The following ATMIN variants were observed in gnomAD, a reference collection of about 807,000 sequenced individuals.
The protein encoded by ATMIN is ATM INteracting protein.
In ATMIN, 24 loss-of-function variants were observed where a neutral mutation model predicts 49.2. That is an observed-to-expected ratio of 0.49 (90% CI 0.35 to 0.69). ATMIN has a LOEUF of 0.69. ATMIN is among the 30% of genes least tolerant of loss of function. The pLI is 0.00. For missense variants in ATMIN, 1,037 were observed against 1,005.5 expected (o/e 1.03, Z -0.42); for synonymous variants, 450 against 392.5 (o/e 1.15, Z -1.73).
intron 1 of ATMIN, among the ~76,000 whole-genome samples, chr16:81,038,601 C>A (rs1970986830): frequency 6.6e-6 from 1 of 152,188 alleles, no homozygotes; most frequent in Admixed American, 6.5e-5. Context: ...CTGTGTGATG[C>A]AATAGCCATC....
chr16:81,036,231 CGGG>C, intron 1 of ATMIN, 25 bp downstream of exon 1: 1 of 1,355,062 alleles, frequency 7.4e-7, no homozygotes, highest in East Asian at 3.6e-5. Flanking sequence ...GCCGGCGGCC[CGGG>C]GGGCCGGGCC....
In ATMIN at chr16:81,043,805, C is replaced by G; in HGVS notation, c.1307C>G (p.Ser436Cys). The G allele has an allele frequency of 6.2e-7, 1 of 1,614,252 alleles. No homozygotes were observed. Among genetic ancestry groups the G allele is most frequent in the South Asian group, 1.1e-5 (1 of 91,068 alleles). Reference protein sequence around the residue: ...PSAQWATADSSVSSCSQTDLS... With the variant: ...PSAQWATADSCVSSCSQTDLS... ...GCACAGTGGGCCACTGCTGATTCCT[C>G]TGTGTCGTCTTGTTCTCAAACTGAT... Residue 436 changes from serine (S) to cysteine (C), a missense_variant, in exon 4 of 4, where the codon TCT becomes TGT. Transcript: ENST00000299575.
In ATMIN at chr16:81,044,767, A is replaced by G; in HGVS notation, c.2269A>G (p.Lys757Glu). 4.3e-6 allele frequency: 7 copies of G among 1,614,236 alleles called. No homozygotes were observed. Among genetic ancestry groups the G allele is most frequent in the Non-Finnish European group, 5.9e-6 (7 of 1,180,042 alleles). The change falls in exon 4 of 4, where the codon AAA becomes GAA. Residue 757 changes from lysine to glutamate, a missense_variant. By Grantham distance (56) the Lys-to-Glu change is moderately conservative. Coordinates refer to ENST00000299575, the MANE Select transcript of ATMIN (RefSeq NM_015251.3). ...TAAAAATATACCTGCTCTAGAAAGC[A>G]AAGTTCAGTTGAACAGTACAGAAAC... ...TAKNIPALESKVQLNSTETQT... is the reference protein window; with the variant it reads ...TAKNIPALESEVQLNSTETQT...
intron 1 of ATMIN, chr16:81,040,771 C>T (rs550557934): frequency 6.5e-6 from 1 of 154,216 alleles, no homozygotes; most frequent in African/African-American, 2.4e-5. Flanking sequence ...ATGACATGAT[C>T]GAAGCTATAC....
chr16:81,038,031 A>G (rs539149628), intron 1 of ATMIN, among the ~76,000 whole-genome samples: 6 of 152,324 alleles, frequency 3.9e-5, no homozygotes, highest in Non-Finnish European at 7.3e-5. Context: ...TAGGAGCTCT[A>G]GCTCTTTAAA....
Position 81,044,807 on chromosome 16 carries a change from C to T in ATMIN, c.2309C>T (p.Ser770Phe), listed in dbSNP as rs777513790. 3 of 1,614,084 alleles carry T rather than the reference C, an allele frequency of 1.9e-6. No individual in the cohort carries two copies. The highest frequency in any genetic ancestry group is 3.3e-5 in the Admixed American group (2 of 59,992). ...LNSTETQTMS[S>F]GFETLGSLFF... is the part of the protein sequence containing the mutation. ...AGTACAGAAACACAGACCATGAGTT[C>T]TGGGTTTGAAACCCTGGGGAGCTTG... Residue 770 changes from serine to phenylalanine, a missense_variant, in exon 4 of 4, where the codon TCT becomes TTT. Ser to Phe is a radical substitution (Grantham distance 155, BLOSUM62 -2). Coordinates refer to ENST00000299575, the MANE Select transcript of ATMIN (RefSeq NM_015251.3).
At chr16:81,043,075 A>C in intron 3 of ATMIN, 86 bp from the exon 4 acceptor site, 1 of 1,465,726 alleles carries the variant, frequency 6.8e-7, no homozygotes, top group Admixed American at 2.4e-5. Flanking sequence ...AGATGGGGGA[A>C]ATGGCATTTG....
At chr16:81,040,647 G>T (rs1421343918) in intron 1 of ATMIN, 1 of 152,252 alleles carries the variant, frequency 6.6e-6, no homozygotes. Flanking sequence ...ATGAAGTAAT[G>T]AGAGAAGAAA....
Position 81,041,411 on chromosome 16 carries a change from A to T in ATMIN, c.392A>T (p.Tyr131Phe). The part of the protein sequence containing the change: ...RKDLKTGPKF[Y>F]CCPIEGCPRG... ...GATTTGAAAACTGGACCGAAATTCT[A>T]CTGCTGTCCAATTGAAGGCTGCCCC... The change falls in exon 2 of 4, where the codon TAC becomes TTC. Residue 131 changes from tyrosine (Y) to phenylalanine (F), a missense_variant. Tyr to Phe is a conservative substitution (Grantham distance 22). Transcript: ENST00000299575. 1.2e-6 allele frequency: 2 copies of T among 1,613,992 alleles called. No individual in the cohort carries two copies. Among genetic ancestry groups the T allele is most frequent in the Non-Finnish European group, 1.7e-6 (2 of 1,179,996 alleles).
rs757797840 is a variant in ATMIN, at chr16:81,044,900, C to T, written c.2402C>T (p.Thr801Met). 19 of 1,614,108 alleles carry T rather than the reference C, an allele frequency of 1.2e-5. No homozygotes were observed. Among genetic ancestry groups the T allele is most frequent in the Non-Finnish European group, 1.6e-5 (19 of 1,179,982 alleles). Residue 801 changes from threonine (T) to methionine (M), a missense_variant, in exon 4 of 4, where the codon ACG (threonine) becomes ATG (methionine). Transcript: ENST00000299575. ...CTTCTGGCTGATCTGGCCTGGAACA[C>T]GATGGAGTCTCAGTTCAGCTCTGTA... ...DFLLADLAWNTMESQFSSVET... is the reference protein window; with the variant it reads ...DFLLADLAWNMMESQFSSVET...
chr16:81,044,008 G>A lies in ATMIN; in HGVS notation c.1510G>A (p.Asp504Asn). ...QTSGIESPTDDHVQMDQAGMC... is the reference protein window; with the variant it reads ...QTSGIESPTDNHVQMDQAGMC... ...CAGTGGGATAGAAAGTCCAACGGATGACCATGTACAGATGGACCAAGCTGG... is the reference window on the plus strand; with the variant it reads ...CAGTGGGATAGAAAGTCCAACGGATAACCATGTACAGATGGACCAAGCTGG... The change falls in exon 4 of 4, where the codon GAC (aspartate) becomes AAC (asparagine). Residue 504 changes from aspartate to asparagine, a missense_variant. Asp to Asn is a conservative substitution (Grantham distance 23). Transcript: ENST00000299575. 1.2e-6 allele frequency: 2 copies of A among 1,614,168 alleles called. No homozygotes were observed. Among genetic ancestry groups the A allele is most frequent in the Non-Finnish European group, 8.5e-7 (1 of 1,180,036 alleles).
In ATMIN at chr16:81,045,067, G is replaced by C. The variant is rs969262869; in HGVS notation, c.*97G>C. ...AACAGTATTAATTCGATTGAATGTG[G>C]CTGATGATGCAGTTGCTTAGCTTCT... On this transcript the variant is annotated 3_prime_UTR_variant, in exon 4 of 4. Coordinates refer to ENST00000299575, the MANE Select transcript of ATMIN (RefSeq NM_015251.3). 6.9e-7 allele frequency: 1 copy of C among 1,451,836 alleles called. No individual in the cohort carries two copies. The highest frequency in any genetic ancestry group is 1.4e-5 in the African/African-American group (1 of 70,334). The allele number at this position is 1,451,836 out of a possible 1,614,324, so 89.9% of individuals were successfully genotyped here.
intron 1 of ATMIN, 97 bp downstream of exon 1, chr16:81,036,303 C>G: frequency 9.4e-6 from 10 of 1,060,864 alleles, no homozygotes; most frequent in Non-Finnish European, 1.0e-5. Context: ...GGACGAGCGC[C>G]CTGCGCGCTG....
chr16:81,045,261 C>T lies in ATMIN; in HGVS notation c.*291C>T. ...AAAATGTATTTCATATCTATAAAAC[C>T]TATATAGCCATTTAGCTGAAGCCCA... On this transcript the variant is annotated 3_prime_UTR_variant, in exon 4 of 4. Coordinates refer to ENST00000299575, the MANE Select transcript of ATMIN (RefSeq NM_015251.3). 1 of 339,676 alleles carries T rather than the reference C, an allele frequency of 2.9e-6. No homozygotes were observed. Among genetic ancestry groups the T allele is most frequent in the Non-Finnish European group, 5.3e-6 (1 of 187,958 alleles). The allele number at this position is 339,676 out of a possible 1,614,324, so 21.0% of individuals were successfully genotyped here.
chr16:81,037,841 G>T (rs1332844204), intron 1 of ATMIN, among the ~76,000 whole-genome samples: 1 of 151,992 alleles, frequency 6.6e-6, no homozygotes, highest in Non-Finnish European at 1.5e-5. Flanking sequence ...GTTGCACCAT[G>T]ATGGCCAGCT....
chr16:81,045,063 T>C lies in ATMIN; in HGVS notation c.*93T>C. 1 of 1,471,204 alleles carries C rather than the reference T, an allele frequency of 6.8e-7. No homozygotes were observed. The highest frequency in any genetic ancestry group is 9.1e-7 in the Non-Finnish European group (1 of 1,096,686). The allele number at this position is 1,471,204 out of a possible 1,614,324, so 91.1% of individuals were successfully genotyped here. A position where few individuals can be genotyped will look rare whatever the true frequency, so the allele number is the denominator to read the frequency against. ...GGACAACAGTATTAATTCGATTGAA[T>C]GTGGCTGATGATGCAGTTGCTTAGC... On this transcript the variant is annotated 3_prime_UTR_variant, in exon 4 of 4. Transcript: ENST00000299575.
chr16:81,040,413 G>A lies in ATMIN; in HGVS notation c.337-943G>A, dbSNP rs1376990795. 3 of 152,342 alleles carry A rather than the reference G, an allele frequency of 2.0e-5. No homozygotes were observed. The East Asian group carries it at 5.8e-4, about 29-fold the overall frequency. The allele number at this position is 152,342 out of a possible 1,614,324, so 9.4% of individuals were successfully genotyped here. A position where few individuals can be genotyped will look rare whatever the true frequency, so the allele number is the denominator to read the frequency against. ...ATGGACAGTGTCAGCTTGTTGCCAT[G>A]ACAGTGAGGTTATTAACATCCACTT... On this transcript the variant is annotated intron_variant, in intron 1 of 3. Coordinates refer to ENST00000299575, the MANE Select transcript of ATMIN (RefSeq NM_015251.3).
chr16:81,041,094 G>C (rs190703706), intron 1 of ATMIN: 189 of 356,208 alleles, frequency 5.3e-4, no homozygotes, highest in African/African-American at 3.7e-3. Flanking sequence ...TACAAGGGGG[G>C]CATCTCCCTG....
rs1971078635 is a variant in ATMIN at position 81,043,988 on chromosome 16, G to T, written c.1490G>T (p.Gly497Val). Residue 497 changes from glycine (G) to valine (V), a missense_variant, in exon 4 of 4, where the codon GGG becomes GTG. Coordinates refer to ENST00000299575, the MANE Select transcript of ATMIN (RefSeq NM_015251.3). ...GGVSRETQTS[G>V]IESPTDDHVQ... ...GTCTCCAGAGAAACTCAAACCAGTGGGATAGAAAGTCCAACGGATGACCAT... is the reference window on the plus strand; with the variant it reads ...GTCTCCAGAGAAACTCAAACCAGTGTGATAGAAAGTCCAACGGATGACCAT... 1 of 1,614,026 alleles carries T rather than the reference G, an allele frequency of 6.2e-7. No individual in the cohort carries two copies. Among genetic ancestry groups the T allele is most frequent in the Non-Finnish European group, 8.5e-7 (1 of 1,180,028 alleles).
Sources: allele counts gnomAD v4.1 joint callset (sites outside exome capture counted in the v4.1 genomes callset), GRCh38; gene constraint gnomAD v4.1.1; transcripts MANE v1.5; gene names NCBI Gene and HGNC (gene_info 2026-07-23, HGNC 2026-07-21).